Variants in GPAT4 observed in about 807,000 individuals in gnomAD.
GPAT4 encodes glycerol-3-phosphate acyltransferase 4.
A neutral mutation model predicts 58.0 loss-of-function variants in GPAT4; 17 were observed. That is an observed-to-expected ratio of 0.29 (90% CI 0.20 to 0.44). The LOEUF is 0.44. Among genes scored for constraint, GPAT4 ranks in the 20% least tolerant of loss-of-function variants. The pLI, the probability that GPAT4 is intolerant of heterozygous loss-of-function variation, is 1.00. For synonymous variants in GPAT4, 204 were observed against 210.1 expected, an observed-to-expected ratio of 0.97 and a Z score of 0.25; for missense variants, 377 against 574.5, an observed-to-expected ratio of 0.66 and a Z score of 3.51.
chr8:41,582,995 G>T (rs143193458), intron 1 of GPAT4, among the ~76,000 whole-genome samples: 98 of 152,044 alleles, frequency 6.4e-4, no homozygotes, highest in African/African-American at 2.1e-3. Context: ...GGCCAAAGTG[G>T]GTAGATCACT....
rs79557732 is a variant in GPAT4, at chr8:41,599,321, C to G, written c.165+17C>G. The G allele has an allele frequency of 1.9e-6, 3 of 1,612,454 alleles. No homozygotes were observed. The highest frequency in any genetic ancestry group is 2.7e-5 in the African/African-American group (2 of 74,750). On this transcript the variant is annotated intron_variant, in intron 2 of 12. Coordinates refer to ENST00000396987, the MANE Select transcript of GPAT4 (RefSeq NM_178819.4). ...ATCTTTGCGGTAAGTTATGCTGTTACAAAAGGTTGCTTCACAGAGGAGGGT... is the reference window on the plus strand; with the variant it reads ...ATCTTTGCGGTAAGTTATGCTGTTAGAAAAGGTTGCTTCACAGAGGAGGGT...
At chr8:41,605,366 T>C (rs1192983999) in intron 2 of GPAT4, among the ~76,000 whole-genome samples, 1 of 152,242 alleles carries the variant, frequency 6.6e-6, no homozygotes, top group East Asian at 1.9e-4. Context: ...ATTTGACATT[T>C]GAACTGGATC....
intron 3 of GPAT4, 35 bp from the exon 4 acceptor site, chr8:41,609,620 A>C: frequency 6.2e-7 from 1 of 1,607,144 alleles, no homozygotes; most frequent in Non-Finnish European, 8.5e-7. Context: ...GCTCTCCCCC[A>C]GCGTGCTGCT....
intron 1 of GPAT4, among the ~76,000 whole-genome samples, chr8:41,595,004 G>A (rs908553109): frequency 1.3e-5 from 2 of 151,942 alleles, no homozygotes; most frequent in Non-Finnish European, 2.9e-5. Flanking sequence ...GACTGTCTAA[G>A]GCGACAAGAT....
Position 41,603,525 on chromosome 8 carries a change from CAAAAA to C in GPAT4, c.165+4238_165+4242del, listed in dbSNP as rs35302781. The stretch of plus-strand genomic sequence containing the variant: ...TGGGTGACAAAGCAAGACTCCGTCT[CAAAAA>C]AAAAAAAAAAAAAAAAGTAATTTTG... On this transcript the variant is annotated intron_variant, in intron 2 of 12. Coordinates refer to ENST00000396987, the MANE Select transcript of GPAT4 (RefSeq NM_178819.4). Among the ~76,000 whole-genome samples the C allele has an allele frequency of 2.7e-4, 23 of 85,290 alleles. No homozygotes were observed. In the South Asian group the frequency reaches 4.3e-3, roughly 16 times the overall value. The allele number at this position is 85,290 out of a possible 152,430, so 56.0% of individuals were successfully genotyped here.
At chr8:41,608,856 T>C in intron 2 of GPAT4, among the ~76,000 whole-genome samples, 1 of 152,178 alleles carries the variant, frequency 6.6e-6, no homozygotes, top group South Asian at 2.1e-4. Context: ...GTTCTTTTTT[T>C]CCTTTAACAC....
At chr8:41,596,972 T>C (rs1409184879) in intron 1 of GPAT4, among the ~76,000 whole-genome samples, 1 of 152,188 alleles carries the variant, frequency 6.6e-6, no homozygotes, top group African/African-American at 2.4e-5. Flanking sequence ...AGTACGTGAC[T>C]GGGAGCTGCA....
At chr8:41,588,151 T>C (rs1802702185) in intron 1 of GPAT4, among the ~76,000 whole-genome samples, 1 of 152,232 alleles carries the variant, frequency 6.6e-6, no homozygotes. Flanking sequence ...TGATAATATA[T>C]ACCATTCATT....
chr8:41,620,551 C>T (rs1275693743), intron 12 of GPAT4, among the ~76,000 whole-genome samples: 1 of 152,198 alleles, frequency 6.6e-6, no homozygotes, highest in Non-Finnish European at 1.5e-5. Context: ...TGTCTACCTT[C>T]CATAATGCCA....
At chr8:41,588,494 T>C (rs1802710916) in intron 1 of GPAT4, among the ~76,000 whole-genome samples, 1 of 152,208 alleles carries the variant, frequency 6.6e-6, no homozygotes, top group African/African-American at 2.4e-5. Context: ...TCCCTTTCCT[T>C]TTCTCTCTTC....
chr8:41,597,966 G>A (rs1802976488), intron 1 of GPAT4, among the ~76,000 whole-genome samples: 2 of 152,160 alleles, frequency 1.3e-5, no homozygotes, highest in South Asian at 2.1e-4. Context: ...AGTATCTGGG[G>A]GACAGGAAGG....
chr8:41,606,987 C>T (rs191145418), intron 2 of GPAT4, among the ~76,000 whole-genome samples: 3 of 152,196 alleles, frequency 2.0e-5, no homozygotes, highest in Non-Finnish European at 2.9e-5. Context: ...ACAGTTTCTC[C>T]GTTATTCTTG....
chr8:41,617,499 TAAATC>T (rs1352316469), intron 10 of GPAT4, among the ~76,000 whole-genome samples: 3 of 152,262 alleles, frequency 2.0e-5, no homozygotes, highest in African/African-American at 7.2e-5. Flanking sequence ...CTTCTGTAGT[TAAATC>T]TAATTTTCTT....
At chr8:41,608,092 C>T (rs1803334170) in intron 2 of GPAT4, among the ~76,000 whole-genome samples, 1 of 152,228 alleles carries the variant, frequency 6.6e-6, no homozygotes, top group Admixed American at 6.5e-5. Flanking sequence ...ATATCTGAAA[C>T]AGAGAAAATG....
intron 2 of GPAT4, among the ~76,000 whole-genome samples, chr8:41,603,720 CT>C (rs1176803221): frequency 6.6e-6 from 1 of 151,964 alleles, no homozygotes; most frequent in Non-Finnish European, 1.5e-5. Context: ...TGCAGTAGGG[CT>C]TCTATCTGGC....
intron 12 of GPAT4, 72 bp downstream of exon 12, chr8:41,619,049 T>G (rs2150508057): frequency 6.5e-7 from 1 of 1,540,750 alleles, no homozygotes; most frequent in African/African-American, 1.4e-5. Flanking sequence ...CACTTACATG[T>G]CATTCCCCGT....
At position 41,620,952 on chromosome 8, in the gene GPAT4, T is replaced by A. The variant is rs1803730454; in HGVS notation, c.1322T>A (p.Leu441Gln). Reference protein sequence around the residue: ...KDTFKEEQQKLYSKMIVGNHK... With the variant: ...KDTFKEEQQKQYSKMIVGNHK... The stretch of plus-strand genomic sequence containing the variant: ...ACGTTCAAGGAGGAGCAGCAGAAGC[T>A]GTACAGCAAGATGATCGTGGGGAAC... Residue 441 changes from leucine (L) to glutamine (Q), a missense_variant, in exon 13 of 13, where the codon CTG becomes CAG. Coordinates refer to ENST00000396987, the MANE Select transcript of GPAT4 (RefSeq NM_178819.4). 1 of 1,551,702 alleles carries A rather than the reference T, an allele frequency of 6.4e-7. No homozygotes were observed. The highest frequency in any genetic ancestry group is 8.7e-7 in the Non-Finnish European group (1 of 1,147,262).
At chr8:41,597,442 A>G (rs1416375760) in intron 1 of GPAT4, among the ~76,000 whole-genome samples, 1 of 152,222 alleles carries the variant, frequency 6.6e-6, no homozygotes, top group Non-Finnish European at 1.5e-5. Flanking sequence ...GAATTTCACA[A>G]TGAGTGGCCA....
chr8:41,593,523 G>T (rs1467523687), intron 1 of GPAT4, among the ~76,000 whole-genome samples: 1 of 152,168 alleles, frequency 6.6e-6, no homozygotes, highest in Non-Finnish European at 1.5e-5. Flanking sequence ...GCCGTGTGTG[G>T]ACCACTCAGC....
Sources: gnomAD v4.1 joint callset for allele counts (sites outside exome capture counted in the v4.1 genomes callset) on GRCh38, gnomAD v4.1.1 for gene constraint, MANE v1.5 for transcripts, NCBI Gene and HGNC (gene_info 2026-07-23, HGNC 2026-07-21) for gene names.